Variants in MRPS27 observed in about 807,000 individuals in gnomAD.
The protein encoded by MRPS27 is small ribosomal subunit protein mS27.
A neutral mutation model predicts 48.9 loss-of-function variants in MRPS27; 43 were observed. That is an observed-to-expected ratio of 0.88 (90% CI 0.69 to 1.13). The LOEUF is 1.13. MRPS27 is among the 50% of genes most tolerant of loss of function. MRPS27 has a pLI of 0.00. For missense variants in MRPS27, 467 were observed against 476.3 expected (o/e 0.98, Z 0.18); for synonymous variants, 188 against 171.9 (o/e 1.09, Z -0.73).
intron 4 of MRPS27, among the ~76,000 whole-genome samples, chr5:72,240,824 T>G (rs377303103): frequency 1.3e-5 from 2 of 152,224 alleles, no homozygotes; most frequent in South Asian, 4.1e-4. Flanking sequence ...ACTTTCTCTC[T>G]TAGAAGCCTA....
At chr5:72,239,037 A>G (rs1454320036) in intron 4 of MRPS27, among the ~76,000 whole-genome samples, 1 of 152,102 alleles carries the variant, frequency 6.6e-6, no homozygotes, top group East Asian at 1.9e-4. Context: ...GCTATACTAT[A>G]TCATGTTAGC....
intron 4 of MRPS27, among the ~76,000 whole-genome samples, chr5:72,255,024 C>CTCTTCTTTT (rs1561341148): frequency 1.1e-5 from 1 of 91,870 alleles, no homozygotes; most frequent in African/African-American, 4.3e-5. Flanking sequence ...TAACACATTT[C>CTCTTCTTTT]TTTTCTTTTT....
At chr5:72,272,971 A>G (rs114907856) in intron 4 of MRPS27, among the ~76,000 whole-genome samples, 4,220 of 152,302 alleles carry the variant, frequency 0.028, 202 homozygotes, top group African/African-American at 0.096. Context: ...AAAATTTTCT[A>G]TAATAAAAAT....
intron 1 of MRPS27, among the ~76,000 whole-genome samples, chr5:72,319,113 T>C (rs977016242): frequency 2.0e-4 from 30 of 152,300 alleles, no homozygotes; most frequent in African/African-American, 7.2e-4. Flanking sequence ...TAAGCGGCAA[T>C]GGAAAAATCG....
chr5:72,232,977 A>G (rs1201176282), intron 6 of MRPS27, among the ~76,000 whole-genome samples: 1 of 152,140 alleles, frequency 6.6e-6, no homozygotes, highest in Non-Finnish European at 1.5e-5. Context: ...CAGCTAAGGC[A>G]TAAAGGAGAC....
intron 9 of MRPS27, 55 bp from the exon 10 acceptor site, chr5:72,223,905 G>A: frequency 6.4e-7 from 1 of 1,567,358 alleles, no homozygotes; most frequent in Non-Finnish European, 8.7e-7. Context: ...AAAAGCACAT[G>A]GTGAAGAAAG....
At chr5:72,243,880 G>A (rs762805120) in intron 4 of MRPS27, among the ~76,000 whole-genome samples, 1 of 152,192 alleles carries the variant, frequency 6.6e-6, no homozygotes, top group African/African-American at 2.4e-5. Context: ...AATGCATCCA[G>A]TTGCATAATC....
chr5:72,293,327 AT>A (rs1340869414), intron 4 of MRPS27, among the ~76,000 whole-genome samples: 2 of 152,072 alleles, frequency 1.3e-5, no homozygotes, highest in Non-Finnish European at 2.9e-5. Context: ...AAGAGAGTCA[AT>A]TTTCTTGGTA....
chr5:72,316,197 T>C, intron 1 of MRPS27, among the ~76,000 whole-genome samples: 1 of 152,226 alleles, frequency 6.6e-6, no homozygotes, highest in East Asian at 1.9e-4. Flanking sequence ...GATTCATGGT[T>C]GCTAAGGGCT....
At chr5:72,293,764 T>G (rs1331865342) in intron 4 of MRPS27, among the ~76,000 whole-genome samples, 1 of 152,198 alleles carries the variant, frequency 6.6e-6, no homozygotes, top group African/African-American at 2.4e-5. Context: ...CTCCCAACAC[T>G]ATGGCACTGT....
In MRPS27 at chr5:72,289,507, G is replaced by A. The variant is rs151317784; in HGVS notation, c.281+6024C>T. On this transcript the variant is annotated intron_variant, in intron 4 of 10. Transcript: ENST00000261413. ...TATGACCTCGGTTCACTGCAGCCTC[G>A]ACCTCCCAAGCTCAGGTGATCTTCC... Among the ~76,000 whole-genome samples the A allele has an allele frequency of 5.0e-3, 759 of 151,378 alleles. 2 individuals carry two copies. Among genetic ancestry groups the A allele is most frequent in the African/African-American group, 0.018 (732 of 41,166 alleles).
At chr5:72,309,286 GAC>G (rs1427765202) in intron 2 of MRPS27, among the ~76,000 whole-genome samples, 1 of 150,642 alleles carries the variant, frequency 6.6e-6, no homozygotes, top group Admixed American at 6.6e-5. Flanking sequence ...TTTTTTTTGA[GAC>G]AGAGTCAGCT....
At chr5:72,238,733 T>C (rs1232015019) in intron 4 of MRPS27, among the ~76,000 whole-genome samples, 3 of 152,226 alleles carry the variant, frequency 2.0e-5, no homozygotes, top group Non-Finnish European at 2.9e-5. Context: ...CTCATCAGTT[T>C]ATCCCTTACT....
intron 2 of MRPS27, chr5:72,308,101 G>A (rs1262526547): frequency 6.6e-6 from 1 of 152,200 alleles, no homozygotes; most frequent in Non-Finnish European, 1.5e-5. Context: ...TGGACGCACC[G>A]CGGGCGCAGG....
chr5:72,300,045 A>G (rs901763535), intron 2 of MRPS27, among the ~76,000 whole-genome samples: 4 of 152,192 alleles, frequency 2.6e-5, no homozygotes, highest in African/African-American at 7.2e-5. Flanking sequence ...TCCTCTTAAC[A>G]GCAAGACTGC....
At chr5:72,297,032 G>A (rs1039920257) in intron 3 of MRPS27, among the ~76,000 whole-genome samples, 1 of 152,130 alleles carries the variant, frequency 6.6e-6, no homozygotes, top group Admixed American at 6.5e-5. Flanking sequence ...GTTTTTCCAC[G>A]CTTACAAGCT....
chr5:72,296,673 T>G (rs541206136), intron 3 of MRPS27, among the ~76,000 whole-genome samples: 1 of 152,230 alleles, frequency 6.6e-6, no homozygotes, highest in Non-Finnish European at 1.5e-5. Context: ...ATTATGAGTC[T>G]ATTAAATGTA....
Position 72,295,514 on chromosome 5 carries a change from T to G in MRPS27, c.281+17A>C, listed in dbSNP as rs376450988. ...TGAAATCACAGAGTACATAGCCAAATCAAATGGAAAACTTACTTGTAAAGG... is the reference window on the plus strand; with the variant it reads ...TGAAATCACAGAGTACATAGCCAAAGCAAATGGAAAACTTACTTGTAAAGG... On this transcript the variant is annotated intron_variant, in intron 4 of 10. Coordinates refer to ENST00000261413, the MANE Select transcript of MRPS27 (RefSeq NM_015084.3). 19 of 1,591,876 alleles carry G rather than the reference T, an allele frequency of 1.2e-5. No homozygotes were observed. The highest frequency in any genetic ancestry group is 1.6e-5 in the Non-Finnish European group (18 of 1,160,842).
At chr5:72,314,843 C>T (rs1023442906) in intron 1 of MRPS27, among the ~76,000 whole-genome samples, 1 of 152,192 alleles carries the variant, frequency 6.6e-6, no homozygotes, top group African/African-American at 2.4e-5. Context: ...TAATTAAATG[C>T]TTTATAATTA....
Sources: allele counts gnomAD v4.1 joint callset (sites outside exome capture counted in the v4.1 genomes callset), GRCh38; gene constraint gnomAD v4.1.1; transcripts MANE v1.5; gene names NCBI Gene and HGNC (gene_info 2026-07-23, HGNC 2026-07-21).